The following DYRK1A variants were observed in gnomAD, a reference collection of about 807,000 sequenced individuals.
DYRK1A encodes dual specificity tyrosine phosphorylation regulated kinase 1A, also known as dual specificity tyrosine-phosphorylation-regulated kinase 1A.
A neutral mutation model predicts 79.7 loss-of-function variants in DYRK1A; 9 were observed. The ratio of observed to expected loss-of-function variants is 0.11; its 90% confidence interval spans 0.07 to 0.20. DYRK1A has a LOEUF of 0.20. DYRK1A is among the 10% of genes least tolerant of loss of function. The pLI, the probability that DYRK1A is intolerant of heterozygous loss-of-function variation, is 1.00. For synonymous variants in DYRK1A, 349 were observed against 329.7 expected, an observed-to-expected ratio of 1.06 and a Z score of -0.63; for missense variants, 622 against 956.0, an observed-to-expected ratio of 0.65 and a Z score of 4.61.
rs2053434064 is a variant in DYRK1A at position 37,501,166 on chromosome 21, G to GTTTTTTTTTTTTGTTTT, written c.1213-4105_1213-4104insGTTTTTTTTTTTTTTTT. 1.6e-3 allele frequency among the ~76,000 whole-genome samples: 147 copies of GTTTTTTTTTTTTGTTTT among 93,960 alleles called. 6 individuals are homozygous for GTTTTTTTTTTTTGTTTT. The highest frequency in any genetic ancestry group is 6.7e-3 in the African/African-American group (143 of 21,344). The allele number at this position is 93,960 out of a possible 152,430, so 61.6% of individuals were successfully genotyped here. A position where few individuals can be genotyped will look rare whatever the true frequency, so the allele number is the denominator to read the frequency against. On this transcript the variant is annotated intron_variant, in intron 9 of 11. Transcript: ENST00000647188. ...TTATATGTTTTTTTTGTTGTTGTTG[G>GTTTTTTTTTTTTGTTTT]TTTTTTTTTTTTTTTTTTTTTTTAA... is the stretch of plus-strand genomic sequence containing the variant.
At chr21:37,375,189 T>G (rs1199417721) in intron 1 of DYRK1A, 1 of 151,396 alleles carries the variant, frequency 6.6e-6, no homozygotes, top group Non-Finnish European at 1.5e-5. Flanking sequence ...TTTTGCCCTA[T>G]AGAAAAATAA....
rs73218407 is a variant in DYRK1A at position 37,420,518 on chromosome 21, G to A, written c.10+134G>A. 1.2e-3 allele frequency: 1,024 copies of A among 856,368 alleles called. 1 individual carries two copies. Among genetic ancestry groups the A allele is most frequent in the Non-Finnish European group, 1.7e-3 (894 of 538,234 alleles). The allele number at this position is 856,368 out of a possible 1,614,324, so 53.0% of individuals were successfully genotyped here. A position where few individuals can be genotyped will look rare whatever the true frequency, so the allele number is the denominator to read the frequency against. On this transcript the variant is annotated intron_variant, in intron 2 of 11. Transcript: ENST00000647188. Reference sequence around the variant, plus strand: ...TTGTAGATCAGTAAATGCAAAGGTAGTTGGGCTATTTGTTAAACTTACTTT... The same window carrying A: ...TTGTAGATCAGTAAATGCAAAGGTAATTGGGCTATTTGTTAAACTTACTTT...
At chr21:37,507,074 T>C (rs77922659) in intron 11 of DYRK1A, among the ~76,000 whole-genome samples, 1 of 148,996 alleles carries the variant, frequency 6.7e-6, no homozygotes, top group African/African-American at 2.5e-5. Flanking sequence ...ACCTTTGCCC[T>C]CCCCTTCTCT....
chr21:37,405,836 C>A (rs1431397349), intron 1 of DYRK1A, among the ~76,000 whole-genome samples: 2 of 152,144 alleles, frequency 1.3e-5, no homozygotes, highest in African/African-American at 4.8e-5. Flanking sequence ...TGACAGCAAG[C>A]CTCACTCTAC....
intron 2 of DYRK1A, among the ~76,000 whole-genome samples, chr21:37,422,576 G>C (rs2050505368): frequency 6.6e-6 from 1 of 152,098 alleles, no homozygotes; most frequent in East Asian, 1.9e-4. Flanking sequence ...CCTTGATGAG[G>C]CACAGGTTCA....
chr21:37,383,368 T>G (rs898347061), intron 1 of DYRK1A, among the ~76,000 whole-genome samples: 2 of 152,236 alleles, frequency 1.3e-5, no homozygotes, highest in East Asian at 3.8e-4. Flanking sequence ...CTATGTAGCT[T>G]TCCAGCCTGG....
intron 3 of DYRK1A, among the ~76,000 whole-genome samples, chr21:37,475,413 C>A (rs529829530): frequency 2.6e-5 from 4 of 152,306 alleles, no homozygotes; most frequent in African/African-American, 9.6e-5. Context: ...ATGCTTAGGG[C>A]TGGCCTTGAG....
At chr21:37,401,885 T>C (rs1282722860) in intron 1 of DYRK1A, among the ~76,000 whole-genome samples, 3 of 152,228 alleles carry the variant, frequency 2.0e-5, no homozygotes, top group African/African-American at 7.2e-5. Context: ...ACATGAACTT[T>C]GGAAGGTGTT....
At chr21:37,497,944 T>A (rs1243110658) in intron 9 of DYRK1A, among the ~76,000 whole-genome samples, 1 of 152,098 alleles carries the variant, frequency 6.6e-6, no homozygotes, top group East Asian at 1.9e-4. Context: ...ATGAAATAAT[T>A]ATTTTGCTTT....
chr21:37,398,904 CTT>C (rs75261593), intron 1 of DYRK1A, among the ~76,000 whole-genome samples: 149 of 136,848 alleles, frequency 1.1e-3, no homozygotes, highest in Admixed American at 1.7e-3. Context: ...GGAGGAGAAA[CTT>C]TTTTTTTTTT....
At chr21:37,459,442 T>C (rs2051764511) in intron 2 of DYRK1A, among the ~76,000 whole-genome samples, 1 of 152,320 alleles carries the variant, frequency 6.6e-6, no homozygotes, top group East Asian at 1.9e-4. Context: ...TCATTTTCTT[T>C]AGGGCTACTA....
intron 2 of DYRK1A, among the ~76,000 whole-genome samples, chr21:37,464,762 A>G (rs554142474): frequency 6.6e-6 from 1 of 152,318 alleles, no homozygotes; most frequent in African/African-American, 2.4e-5. Context: ...CAGCAGTTTC[A>G]TATGGTTCCG....
chr21:37,500,594 C>T (rs1202034372), intron 9 of DYRK1A, among the ~76,000 whole-genome samples: 1 of 152,024 alleles, frequency 6.6e-6, no homozygotes, highest in East Asian at 1.9e-4. Context: ...CCTTCAGAAC[C>T]TGCGACATTT....
intron 1 of DYRK1A, among the ~76,000 whole-genome samples, chr21:37,397,154 C>T (rs1302363143): frequency 6.6e-6 from 1 of 152,122 alleles, no homozygotes; most frequent in East Asian, 1.9e-4. Flanking sequence ...ATGGCCATAC[C>T]CAGCCACAAG....
intron 1 of DYRK1A, chr21:37,415,690 C>T (rs1262073332): frequency 2.6e-5 from 4 of 152,120 alleles, no homozygotes; most frequent in Non-Finnish European, 4.4e-5. Flanking sequence ...TGGTCTCCAA[C>T]TCCTGGTCTC....
chr21:37,489,167 A>G (rs1034373219), intron 6 of DYRK1A, among the ~76,000 whole-genome samples: 4 of 152,186 alleles, frequency 2.6e-5, no homozygotes, highest in African/African-American at 7.2e-5. Flanking sequence ...ATTGATTACT[A>G]TCAGTTTATT....
At chr21:37,462,869 A>G (rs553197499) in intron 2 of DYRK1A, among the ~76,000 whole-genome samples, 1 of 152,266 alleles carries the variant, frequency 6.6e-6, no homozygotes, top group East Asian at 1.9e-4. Context: ...CCTGTTGTCC[A>G]GTGTTTGAAA....
intron 2 of DYRK1A, among the ~76,000 whole-genome samples, chr21:37,462,164 A>G (rs1383332218): frequency 6.6e-6 from 1 of 152,032 alleles, no homozygotes; most frequent in Non-Finnish European, 1.5e-5. Flanking sequence ...TGAGTCTTAA[A>G]TGGATTTTTT....
chr21:37,450,358 GA>G (rs1214367179), intron 2 of DYRK1A, among the ~76,000 whole-genome samples: 1 of 152,120 alleles, frequency 6.6e-6, no homozygotes, highest in African/African-American at 2.4e-5. Flanking sequence ...TTTTCATCAG[GA>G]GAAATAAGTT....
Sources: allele counts gnomAD v4.1 joint callset (sites outside exome capture counted in the v4.1 genomes callset), GRCh38; gene constraint gnomAD v4.1.1; transcripts MANE v1.5; gene names NCBI Gene and HGNC (gene_info 2026-07-23, HGNC 2026-07-21).